ADAMTS18: variants seen among roughly 807,000 people sequenced by gnomAD.
The protein encoded by ADAMTS18 is A disintegrin and metalloproteinase with thrombospondin motifs 18.
A neutral mutation model predicts 165.9 loss-of-function variants in ADAMTS18; 157 were observed. That is an observed-to-expected ratio of 0.95 (90% CI 0.83 to 1.08). The LOEUF (loss-of-function observed/expected upper bound fraction) is 1.08, where lower values mean the gene tolerates loss of function less well. Among genes scored for constraint, ADAMTS18 ranks in the 50% least tolerant of loss-of-function variants. ADAMTS18 has a pLI of 0.00. For synonymous variants in ADAMTS18, 782 were observed against 578.2 expected (o/e 1.35, Z -5.06); for missense variants, 2,040 against 1,534.0 (o/e 1.33, Z -5.51).
intron 17 of ADAMTS18, among the ~76,000 whole-genome samples, chr16:77,298,071 T>C (rs968146950): frequency 6.6e-6 from 1 of 151,856 alleles, no homozygotes; most frequent in African/African-American, 2.4e-5. Flanking sequence ...ATTACAGGTG[T>C]GTGACACCAT....
intron 16 of ADAMTS18, among the ~76,000 whole-genome samples, chr16:77,312,053 C>T (rs575847867): frequency 6.6e-5 from 10 of 152,050 alleles, no homozygotes; most frequent in Non-Finnish European, 1.0e-4. Context: ...GGGAAGACTT[C>T]GTTTTTATGA....
At chr16:77,288,007 C>T (rs765573399) in intron 22 of ADAMTS18, among the ~76,000 whole-genome samples, 13 of 152,110 alleles carry the variant, frequency 8.5e-5, no homozygotes, top group Non-Finnish European at 1.6e-4. Context: ...TGAACAAGAT[C>T]GAGGACCTCA....
At chr16:77,308,596 C>T (rs980375708) in intron 16 of ADAMTS18, among the ~76,000 whole-genome samples, 4 of 140,438 alleles carry the variant, frequency 2.8e-5, no homozygotes, top group Admixed American at 1.5e-4. Context: ...AAAAAAAAAA[C>T]TTGTGTACAT....
At chr16:77,378,316 T>C (rs552556436) in intron 3 of ADAMTS18, among the ~76,000 whole-genome samples, 1 of 147,126 alleles carries the variant, frequency 6.8e-6, no homozygotes, top group African/African-American at 2.5e-5. Context: ...GAGTGAGGCC[T>C]TGTCTCAAAA....
At chr16:77,330,781 A>G (rs183864376) in intron 12 of ADAMTS18, among the ~76,000 whole-genome samples, 2 of 152,362 alleles carry the variant, frequency 1.3e-5, no homozygotes, top group East Asian at 3.9e-4. Flanking sequence ...TTCAAGAAAT[A>G]AAGTCTGTTC....
rs138109037 is a variant in ADAMTS18 at position 77,402,930 on chromosome 16, A to C, written c.495+28365T>G. On this transcript the variant is annotated intron_variant, in intron 3 of 22. Coordinates refer to ENST00000282849, the MANE Select transcript of ADAMTS18 (RefSeq NM_199355.4). ...ATGTCACTGAAACACAACCTCTCTCAAATACACATGGAGCAACTGCCGGAC... is the reference window on the plus strand; with the variant it reads ...ATGTCACTGAAACACAACCTCTCTCCAATACACATGGAGCAACTGCCGGAC... 9.9e-4 allele frequency among the ~76,000 whole-genome samples: 151 copies of C among 152,304 alleles called. 2 individuals carry two copies. Among genetic ancestry groups the C allele is most frequent in the African/African-American group, 3.5e-3 (147 of 41,558 alleles).
chr16:77,346,967 A>G (rs1482540265), intron 10 of ADAMTS18, among the ~76,000 whole-genome samples: 1 of 152,206 alleles, frequency 6.6e-6, no homozygotes, highest in Admixed American at 6.5e-5. Context: ...TTTTGCAGTC[A>G]ATTCCCTTCT....
intron 16 of ADAMTS18, among the ~76,000 whole-genome samples, chr16:77,303,851 A>G (rs2055633176): frequency 6.6e-6 from 1 of 152,176 alleles, no homozygotes; most frequent in Non-Finnish European, 1.5e-5. Flanking sequence ...AACATGGTGA[A>G]ACCCCATCTC....
chr16:77,351,891 G>A (rs2056561427), intron 10 of ADAMTS18, among the ~76,000 whole-genome samples: 1 of 152,012 alleles, frequency 6.6e-6, no homozygotes, highest in South Asian at 2.1e-4. Context: ...CGTGCCACTA[G>A]CCCAGCTAAC....
intron 3 of ADAMTS18, among the ~76,000 whole-genome samples, chr16:77,423,037 T>A (rs896657116): frequency 6.6e-6 from 1 of 152,164 alleles, no homozygotes; most frequent in African/African-American, 2.4e-5. Flanking sequence ...TAAACTTGAA[T>A]CCCTAGGCTC....
chr16:77,340,706 A>G (rs556586777), intron 11 of ADAMTS18, among the ~76,000 whole-genome samples: 2 of 152,084 alleles, frequency 1.3e-5, no homozygotes, highest in Non-Finnish European at 2.9e-5. Context: ...TCAACCTCCC[A>G]AAGTGCTGGG....
chr16:77,295,925 C>T (rs998805746), intron 18 of ADAMTS18, among the ~76,000 whole-genome samples: 2 of 151,896 alleles, frequency 1.3e-5, no homozygotes, highest in African/African-American at 4.8e-5. Flanking sequence ...CTCACTGCAA[C>T]CTCTGCCTCC....
chr16:77,349,637 C>G (rs2056527207), intron 10 of ADAMTS18, among the ~76,000 whole-genome samples: 1 of 152,010 alleles, frequency 6.6e-6, no homozygotes, highest in African/African-American at 2.4e-5. Context: ...CAATTTCCCG[C>G]CATTTCCCCT....
intron 17 of ADAMTS18, 81 bp from the exon 18 acceptor site, chr16:77,297,496 C>A: frequency 7.1e-7 from 1 of 1,399,482 alleles, no homozygotes; most frequent in Non-Finnish European, 1.0e-6. Flanking sequence ...TCTGATTTAC[C>A]AGCATTGTGA....
intron 3 of ADAMTS18, among the ~76,000 whole-genome samples, chr16:77,403,860 G>C (rs1285087121): frequency 6.6e-6 from 1 of 152,196 alleles, no homozygotes; most frequent in East Asian, 1.9e-4. Flanking sequence ...ACGATGCCAT[G>C]CAAGTACAAA....
chr16:77,316,846 T>C (rs1418396242), intron 16 of ADAMTS18, among the ~76,000 whole-genome samples: 1 of 152,090 alleles, frequency 6.6e-6, no homozygotes. Context: ...ATTTTTGTTT[T>C]AGTAGAAACA....
chr16:77,374,617 C>T (rs1289972528), intron 3 of ADAMTS18, among the ~76,000 whole-genome samples: 1 of 152,202 alleles, frequency 6.6e-6, no homozygotes, highest in Non-Finnish European at 1.5e-5. Context: ...CCTTACTTGG[C>T]TCAACTAATA....
At chr16:77,394,585 G>A (rs1415687353) in intron 3 of ADAMTS18, among the ~76,000 whole-genome samples, 1 of 152,120 alleles carries the variant, frequency 6.6e-6, no homozygotes, top group Non-Finnish European at 1.5e-5. Flanking sequence ...TACAGAAAGA[G>A]GAGGGTGGAA....
intron 3 of ADAMTS18, among the ~76,000 whole-genome samples, chr16:77,398,173 C>A (rs894479413): frequency 6.6e-6 from 1 of 151,892 alleles, no homozygotes; most frequent in African/African-American, 2.4e-5. Context: ...AAAAATTAGC[C>A]GGATGTGGTG....
Sources: allele counts gnomAD v4.1 joint callset (sites outside exome capture counted in the v4.1 genomes callset), GRCh38; gene constraint gnomAD v4.1.1; transcripts MANE v1.5; gene names NCBI Gene and HGNC (gene_info 2026-07-23, HGNC 2026-07-21).